SYN3: variants seen among roughly 807,000 people sequenced by gnomAD.
SYN3 encodes the protein synapsin-3.
A neutral mutation model predicts 65.8 loss-of-function variants in SYN3; 35 were observed. The observed-to-expected ratio is 0.53, with a 90% CI of 0.41 to 0.70. SYN3 has a LOEUF of 0.70. Among genes scored for constraint, SYN3 ranks in the 30% least tolerant of loss-of-function variants. SYN3 has a pLI of 0.00. For synonymous variants in SYN3, 270 were observed against 292.9 expected (o/e 0.92, Z 0.80); for missense variants, 680 against 749.0 (o/e 0.91, Z 1.08).
intron 4 of SYN3, among the ~76,000 whole-genome samples, chr22:32,874,993 T>A (rs1379533235): frequency 2.6e-5 from 4 of 152,188 alleles, no homozygotes; most frequent in African/African-American, 9.7e-5. Context: ...ACCACTATTC[T>A]GCAAGGATAA....
At chr22:32,538,136 A>C in intron 8 of SYN3, 26 bp from the exon 9 acceptor site, 1 of 1,604,734 alleles carries the variant, frequency 6.2e-7, no homozygotes, top group Non-Finnish European at 8.5e-7. Context: ...CAACACATTG[A>C]GGGAATTAGG....
intron 4 of SYN3, among the ~76,000 whole-genome samples, chr22:32,905,494 C>G (rs1417550126): frequency 2.6e-5 from 4 of 152,212 alleles, no homozygotes; most frequent in Admixed American, 2.6e-4. Context: ...AAATTCCTGA[C>G]TGCAGACACA....
chr22:32,922,781 C>T (rs910405414), intron 4 of SYN3, among the ~76,000 whole-genome samples: 1 of 152,094 alleles, frequency 6.6e-6, no homozygotes, highest in Non-Finnish European at 1.5e-5. Context: ...TTCCAATTGA[C>T]TGGGGCTAGT....
rs1477014985 is a variant in SYN3 at position 32,535,790 on chromosome 22, G to GT, written c.993-1896_993-1895insA. ...AGAGTGCTTGGAGAATCGGGGGGGG[G>GT]GCCCTGCTCCCCTCCTGCCAGGTGG... On this transcript the variant is annotated intron_variant, in intron 9 of 13. Transcript: ENST00000358763. Among the ~76,000 whole-genome samples the GT allele has an allele frequency of 3.9e-5, 6 of 152,142 alleles. No individual in the cohort carries two copies. In the South Asian group the frequency reaches 6.2e-4, roughly 16 times the overall value.
intron 7 of SYN3, among the ~76,000 whole-genome samples, chr22:32,585,307 C>T (rs919616383): frequency 1.2e-4 from 19 of 152,160 alleles, no homozygotes; most frequent in African/African-American, 4.6e-4. Flanking sequence ...ACAGTTGAGC[C>T]AAGCTCAGAA....
intron 6 of SYN3, among the ~76,000 whole-genome samples, chr22:32,800,429 C>G (rs1373851011): frequency 6.6e-6 from 1 of 152,190 alleles, no homozygotes; most frequent in Non-Finnish European, 1.5e-5. Context: ...ATCATCCCAT[C>G]TTTCTGTGCC....
At chr22:32,787,116 C>G (rs972403151) in intron 6 of SYN3, among the ~76,000 whole-genome samples, 1 of 148,546 alleles carries the variant, frequency 6.7e-6, no homozygotes, top group Non-Finnish European at 1.5e-5. Flanking sequence ...GATGCAATCT[C>G]GGCTCACTGC....
chr22:32,750,536 A>C (rs1168059100), intron 6 of SYN3, among the ~76,000 whole-genome samples: 1 of 152,046 alleles, frequency 6.6e-6, no homozygotes, highest in Non-Finnish European at 1.5e-5. Context: ...ACCTTGTCAG[A>C]CATGGCAATG....
At chr22:32,670,188 A>G (rs1485457480) in intron 6 of SYN3, among the ~76,000 whole-genome samples, 5 of 152,200 alleles carry the variant, frequency 3.3e-5, no homozygotes, top group African/African-American at 1.2e-4. Context: ...TTTTATTTCC[A>G]TCTTTTCCCC....
At chr22:32,752,566 C>T (rs977449163) in intron 6 of SYN3, among the ~76,000 whole-genome samples, 12 of 152,206 alleles carry the variant, frequency 7.9e-5, no homozygotes, top group African/African-American at 1.2e-4. Context: ...TACGACTCAC[C>T]GCATTTGTTC....
intron 7 of SYN3, among the ~76,000 whole-genome samples, chr22:32,569,549 CTCTCTCTCTCTCTCTCTCTCTCTA>C (rs1183993187): frequency 1.2e-4 from 7 of 60,058 alleles, no homozygotes; most frequent in South Asian, 2.0e-3. Context: ...CTCTCTCTCT[CTCTCTCTCTCTCTCTCTCTCTCTA>C]TATATATATA....
intron 1 of SYN3, among the ~76,000 whole-genome samples, chr22:33,053,335 A>C (rs550738846): frequency 5.3e-5 from 8 of 152,258 alleles, no homozygotes; most frequent in African/African-American, 1.9e-4. Flanking sequence ...AGGCAGGAGA[A>C]TCACTTGAAC....
At chr22:32,518,431 G>T in intron 12 of SYN3, 97 bp from the exon 13 acceptor site, 1 of 1,446,212 alleles carries the variant, frequency 6.9e-7, no homozygotes, top group Non-Finnish European at 9.5e-7. Context: ...GTTCATTACA[G>T]TGTTTCTTAT....
At chr22:32,986,351 C>T (rs1472629229) in intron 2 of SYN3, among the ~76,000 whole-genome samples, 1 of 152,188 alleles carries the variant, frequency 6.6e-6, no homozygotes, top group East Asian at 1.9e-4. Context: ...TACACCAATA[C>T]CACCCAAGCA....
At chr22:32,601,220 C>A (rs115627126) in intron 6 of SYN3, among the ~76,000 whole-genome samples, 3,254 of 152,046 alleles carry the variant, frequency 0.021, 121 homozygotes, top group African/African-American at 0.074. Context: ...TTTCAGAATT[C>A]ATCCAAAGCA....
chr22:32,615,432 T>TAAAA (rs1190319833), intron 6 of SYN3, among the ~76,000 whole-genome samples: 2 of 74,414 alleles, frequency 2.7e-5, no homozygotes, highest in Non-Finnish European at 2.3e-5. Flanking sequence ...AGACTTCATC[T>TAAAA]AAAAAAAAAA....
chr22:32,528,868 T>C lies in SYN3; in HGVS notation c.1230+6A>G. On this transcript the variant is annotated splice_donor_region_variant and intron_variant, in intron 11 of 13. Coordinates refer to ENST00000358763, the MANE Select transcript of SYN3 (RefSeq NM_003490.4). ...ATAAAGTCTCCTTTGATCGTGAGGG[T>C]CTTACCCAAGGTCTGAGGGGGGAGG... 6.2e-7 allele frequency: 1 copy of C among 1,614,030 alleles called. No homozygotes were observed. The highest frequency in any genetic ancestry group is 1.1e-5 in the South Asian group (1 of 91,078).
intron 4 of SYN3, among the ~76,000 whole-genome samples, chr22:32,901,771 T>C (rs1028362706): frequency 2.0e-5 from 3 of 152,252 alleles, no homozygotes; most frequent in South Asian, 4.1e-4. Flanking sequence ...GAAGCAGTCC[T>C]GCCAGTATTT....
chr22:32,851,293 G>A (rs982569701), intron 6 of SYN3, among the ~76,000 whole-genome samples: 2 of 152,164 alleles, frequency 1.3e-5, no homozygotes, highest in African/African-American at 2.4e-5. Context: ...AGCTGAGAGG[G>A]AAATAGCTGG....
Sources: allele counts gnomAD v4.1 joint callset (sites outside exome capture counted in the v4.1 genomes callset), GRCh38; gene constraint gnomAD v4.1.1; transcripts MANE v1.5; gene names NCBI Gene and HGNC (gene_info 2026-07-23, HGNC 2026-07-21).